The following BMP5 variants were observed in gnomAD, a reference collection of about 807,000 sequenced individuals.
BMP5 encodes the protein bone morphogenetic protein 5.
Under a neutral mutation model 46.6 loss-of-function variants are expected in BMP5, and 23 were observed. The observed-to-expected ratio is 0.49, with a 90% CI of 0.35 to 0.70. BMP5 has a LOEUF of 0.70. Ranked by LOEUF, BMP5 falls within the 30% of genes least tolerant of loss-of-function variation. BMP5 has a pLI of 0.00. For missense variants in BMP5, 545 were observed against 565.6 expected, an observed-to-expected ratio of 0.96 and a Z score of 0.37; for synonymous variants, 204 against 191.9, an observed-to-expected ratio of 1.06 and a Z score of -0.52.
intron 1 of BMP5, among the ~76,000 whole-genome samples, chr6:55,828,620 A>G (rs1026949001): frequency 1.3e-5 from 2 of 151,840 alleles, no homozygotes; most frequent in African/African-American, 4.8e-5. Flanking sequence ...TTTTTAGTGT[A>G]TTCAATGTTT....
intron 2 of BMP5, among the ~76,000 whole-genome samples, chr6:55,815,404 A>C (rs1407149069): frequency 6.6e-6 from 1 of 152,192 alleles, no homozygotes; most frequent in Non-Finnish European, 1.5e-5. Flanking sequence ...ATTAAATAGA[A>C]ACCTATCAAA....
chr6:55,833,162 A>C (rs182732994), intron 1 of BMP5, among the ~76,000 whole-genome samples: 1 of 152,294 alleles, frequency 6.6e-6, no homozygotes, highest in Admixed American at 6.5e-5. Flanking sequence ...AATATCTAAC[A>C]CTAGGGAGCA....
chr6:55,821,290 G>A (rs1776405232), intron 1 of BMP5, among the ~76,000 whole-genome samples: 1 of 152,164 alleles, frequency 6.6e-6, no homozygotes, highest in Non-Finnish European at 1.5e-5. Context: ...AAAGTGGAAG[G>A]TGGTTCAGGA....
intron 3 of BMP5, among the ~76,000 whole-genome samples, chr6:55,781,489 T>A (rs191614451): frequency 1.3e-5 from 2 of 152,270 alleles, no homozygotes; most frequent in Non-Finnish European, 2.9e-5. Flanking sequence ...AGCAGTGAAA[T>A]TTTAGTATTC....
chr6:55,795,990 A>C (rs1329525778), intron 2 of BMP5, among the ~76,000 whole-genome samples: 2 of 152,130 alleles, frequency 1.3e-5, no homozygotes, highest in South Asian at 2.1e-4. Context: ...CTTCCTCCTA[A>C]ATTGAAAAAT....
intron 4 of BMP5, among the ~76,000 whole-genome samples, chr6:55,765,433 G>A (rs1190687206): frequency 4.6e-5 from 7 of 152,122 alleles, no homozygotes; most frequent in African/African-American, 1.7e-4. Context: ...CAAAGAGAAA[G>A]AGGGAAAAAG....
At chr6:55,832,544 T>C (rs545777106) in intron 1 of BMP5, among the ~76,000 whole-genome samples, 1 of 152,336 alleles carries the variant, frequency 6.6e-6, no homozygotes, top group East Asian at 1.9e-4. Flanking sequence ...TCTGTTTTAA[T>C]AGTAATTGGT....
intron 1 of BMP5, among the ~76,000 whole-genome samples, chr6:55,851,848 G>T (rs1777251515): frequency 6.6e-6 from 1 of 152,050 alleles, no homozygotes; most frequent in African/African-American, 2.4e-5. Context: ...TTCCTTAAAA[G>T]GTATGAAAAG....
rs1278883917 is a variant in BMP5, at chr6:55,832,260, A to G, written c.491-12413T>C. Among the ~76,000 whole-genome samples, 3 of 151,590 alleles carry G rather than the reference A, an allele frequency of 2.0e-5. No homozygotes were observed. In the South Asian group the frequency reaches 6.3e-4, roughly 32 times the overall value. On this transcript the variant is annotated intron_variant, in intron 1 of 6. Coordinates refer to ENST00000370830, the MANE Select transcript of BMP5 (RefSeq NM_021073.4). ...GAATTTTTGTTTTCTTTTTTTCCCTACTCCTGAGAGCTGTCTGTTGATCAC... is the reference window on the plus strand; with the variant it reads ...GAATTTTTGTTTTCTTTTTTTCCCTGCTCCTGAGAGCTGTCTGTTGATCAC...
At chr6:55,855,868 A>T (rs1477280603) in intron 1 of BMP5, among the ~76,000 whole-genome samples, 2 of 152,286 alleles carry the variant, frequency 1.3e-5, no homozygotes, top group East Asian at 3.9e-4. Flanking sequence ...TAGCTCTTTT[A>T]TATATTTTAT....
intron 1 of BMP5, among the ~76,000 whole-genome samples, chr6:55,845,663 A>T (rs1582114018): frequency 6.6e-6 from 1 of 152,150 alleles, no homozygotes; most frequent in East Asian, 1.9e-4. Flanking sequence ...TTTGAAGGAA[A>T]CACAGTGGAT....
intron 3 of BMP5, among the ~76,000 whole-genome samples, chr6:55,791,084 G>C (rs1280174885): frequency 1.3e-5 from 2 of 152,078 alleles, no homozygotes; most frequent in African/African-American, 2.4e-5. Context: ...AACTCCTTTT[G>C]CTTAGAAGAA....
intron 3 of BMP5, among the ~76,000 whole-genome samples, chr6:55,790,378 T>C (rs185272495): frequency 1.3e-5 from 2 of 152,290 alleles, no homozygotes; most frequent in East Asian, 1.9e-4. Flanking sequence ...GAATCAGTGA[T>C]ACAAGTCCCA....
intron 1 of BMP5, among the ~76,000 whole-genome samples, chr6:55,870,823 A>G (rs1234734300): frequency 1.3e-5 from 2 of 152,058 alleles, no homozygotes; most frequent in Non-Finnish European, 2.9e-5. Flanking sequence ...CAGACTAAAT[A>G]TGTTTTTATA....
At chr6:55,820,940 A>G (rs1776397305) in intron 1 of BMP5, among the ~76,000 whole-genome samples, 1 of 152,202 alleles carries the variant, frequency 6.6e-6, no homozygotes, top group South Asian at 2.1e-4. Context: ...GACAGTAAGT[A>G]TCAGACATAT....
At chr6:55,779,338 A>G (rs753740249) in intron 3 of BMP5, among the ~76,000 whole-genome samples, 7 of 151,944 alleles carry the variant, frequency 4.6e-5, no homozygotes, top group Non-Finnish European at 1.0e-4. Flanking sequence ...CTTGTGCACA[A>G]ATTATCTTTT....
chr6:55,820,428 T>C (rs1776379912), intron 1 of BMP5, among the ~76,000 whole-genome samples: 2 of 151,984 alleles, frequency 1.3e-5, no homozygotes. Flanking sequence ...AAAACATTTT[T>C]TTTTTCTTGA....
chr6:55,825,233 C>A (rs759138920), intron 1 of BMP5, among the ~76,000 whole-genome samples: 1 of 151,880 alleles, frequency 6.6e-6, no homozygotes, highest in Non-Finnish European at 1.5e-5. Context: ...GGTAAACACA[C>A]TTCCTTCTGC....
intron 1 of BMP5, among the ~76,000 whole-genome samples, chr6:55,839,494 T>G (rs1008161054): frequency 2.0e-5 from 3 of 152,080 alleles, no homozygotes; most frequent in Non-Finnish European, 4.4e-5. Flanking sequence ...TTTCAATTTT[T>G]TGTAAAGACA....
Sources: gnomAD v4.1 joint callset for allele counts (sites outside exome capture counted in the v4.1 genomes callset) on GRCh38, gnomAD v4.1.1 for gene constraint, MANE v1.5 for transcripts, NCBI Gene and HGNC (gene_info 2026-07-23, HGNC 2026-07-21) for gene names.